Variants in MSN observed in about 807,000 individuals in gnomAD.
MSN encodes moesin.
In MSN, 2 loss-of-function variants were observed where a neutral mutation model predicts 48.0. The ratio of observed to expected loss-of-function variants is 0.04; its 90% CI spans 0.02 to 0.13. MSN has a LOEUF of 0.13. Ranked by LOEUF, MSN falls within the 10% of genes least tolerant of loss-of-function variation. The pLI, the probability that MSN is intolerant of heterozygous loss-of-function variation, is 1.00. For synonymous variants in MSN, 146 were observed against 166.9 expected, an observed-to-expected ratio of 0.87 and a Z score of 0.97; for missense variants, 267 against 470.1, an observed-to-expected ratio of 0.57 and a Z score of 3.99.
At chrX:65,629,106 A>G (rs1204079243) in intron 1 of MSN, among the ~76,000 whole-genome samples, 3 of 109,998 alleles carry the variant, frequency 2.7e-5, no homozygotes, top group Non-Finnish European at 3.8e-5. Context: ...AACAGTACCC[A>G]AGTCACCTCT....
At chrX:65,720,151 C>T (rs943436139) in intron 2 of MSN, among the ~76,000 whole-genome samples, 6 of 111,916 alleles carry the variant, frequency 5.4e-5, no homozygotes, top group Admixed American at 1.9e-4. Flanking sequence ...ATGGCCTATT[C>T]CTGGCTAGGC....
At chrX:65,619,500 C>T (rs1388242419) in intron 1 of MSN, among the ~76,000 whole-genome samples, 3 of 99,177 alleles carry the variant, frequency 3.0e-5, no homozygotes, top group Non-Finnish European at 5.7e-5. Context: ...TTGATCGCAT[C>T]GGCTCCTGAG....
chrX:65,667,908 G>A, intron 1 of MSN, 55 bp downstream of exon 1: 2 of 1,162,787 alleles, frequency 1.7e-6, no homozygotes, highest in Non-Finnish European at 2.3e-6. Context: ...GAGCCTCATA[G>A]CCCTTTGCTG....
chrX:65,713,054 G>A (rs1408614681), intron 1 of MSN, among the ~76,000 whole-genome samples: 1 of 111,458 alleles, frequency 9.0e-6, no homozygotes, highest in Non-Finnish European at 1.9e-5. Flanking sequence ...AAATGAGGTA[G>A]TACATATGAA....
intron 9 of MSN, 36 bp from the exon 10 acceptor site, chrX:65,737,142 G>GTGT: frequency 8.4e-7 from 1 of 1,186,356 alleles, no homozygotes. Flanking sequence ...TTATCTCTGT[G>GTGT]CTCTTCACTG....
chrX:65,610,339 A>T (rs1313975020), intron 1 of MSN, among the ~76,000 whole-genome samples: 1 of 112,563 alleles, frequency 8.9e-6, no homozygotes, highest in South Asian at 3.6e-4. Flanking sequence ...AATATTTCAT[A>T]TAAGTGTCTT....
At chrX:65,725,784 C>A (rs148133060) in intron 2 of MSN, among the ~76,000 whole-genome samples, 5 of 111,807 alleles carry the variant, frequency 4.5e-5, no homozygotes, top group African/African-American at 1.6e-4. Context: ...CCCCACTGAT[C>A]TTTTCTAAAC....
intron 1 of MSN, among the ~76,000 whole-genome samples, chrX:65,621,816 C>T (rs2070449289): frequency 8.9e-6 from 1 of 112,045 alleles, no homozygotes; most frequent in Admixed American, 9.5e-5. Flanking sequence ...ATCAAAGTTT[C>T]CTAGTTTCAG....
intron 1 of MSN, among the ~76,000 whole-genome samples, chrX:65,700,917 T>C (rs1470742950): frequency 9.0e-6 from 1 of 111,611 alleles, no homozygotes; most frequent in Non-Finnish European, 1.9e-5. Context: ...GAGATGTGCA[T>C]GATCAGCTCT....
intron 1 of MSN, among the ~76,000 whole-genome samples, chrX:65,653,192 T>A (rs982161456): frequency 3.6e-5 from 4 of 111,008 alleles, no homozygotes; most frequent in Non-Finnish European, 5.7e-5. Context: ...CCCTGTGGCA[T>A]TATTTTGCCA....
intron 1 of MSN, among the ~76,000 whole-genome samples, chrX:65,695,078 C>G (rs867476445): frequency 9.9e-6 from 1 of 100,656 alleles, no homozygotes; most frequent in Non-Finnish European, 2.0e-5. Context: ...GTGTGTGTGT[C>G]TGCGTGTGTG....
At chrX:65,634,740 T>C (rs778812777) in intron 1 of MSN, among the ~76,000 whole-genome samples, 11 of 113,003 alleles carry the variant, frequency 9.7e-5, no homozygotes, top group African/African-American at 3.5e-4. Flanking sequence ...GAAAGTATTC[T>C]CATTTTGGGG....
intron 1 of MSN, among the ~76,000 whole-genome samples, chrX:65,683,601 A>G (rs1449636065): frequency 1.8e-5 from 2 of 110,973 alleles, no homozygotes; most frequent in Non-Finnish European, 3.8e-5. Flanking sequence ...TATGCTTACT[A>G]GGTAAGGTTG....
chrX:65,647,293 C>T (rs1295981332), intron 1 of MSN, among the ~76,000 whole-genome samples: 1 of 106,200 alleles, frequency 9.4e-6, no homozygotes, highest in Admixed American at 1.0e-4. Context: ...CTCACTGCAA[C>T]CTCCACCTCC....
At chrX:65,651,425 A>C (rs1184560276) in intron 1 of MSN, among the ~76,000 whole-genome samples, 1 of 109,563 alleles carries the variant, frequency 9.1e-6, no homozygotes, top group Non-Finnish European at 1.9e-5. Context: ...TTAAACAAGT[A>C]AATACACAGA....
At chrX:65,629,886 G>A (rs988677460) in intron 1 of MSN, among the ~76,000 whole-genome samples, 4 of 111,799 alleles carry the variant, frequency 3.6e-5, no homozygotes, top group African/African-American at 1.3e-4. Flanking sequence ...GTCTTTTAAA[G>A]TGTACAATTC....
chrX:65,614,310 C>T (rs1180548088), intron 1 of MSN, among the ~76,000 whole-genome samples: 1 of 111,921 alleles, frequency 8.9e-6, no homozygotes, highest in Non-Finnish European at 1.9e-5. Context: ...AGTGTGATGC[C>T]TCCAGCTTTG....
chrX:65,694,227 A>G (rs2071207018), intron 1 of MSN, among the ~76,000 whole-genome samples: 1 of 111,919 alleles, frequency 8.9e-6, no homozygotes, highest in African/African-American at 3.3e-5. Context: ...AGTCTTTTCC[A>G]TCATACTTTG....
chrX:65,615,468 T>C (rs1036729757), intron 1 of MSN, among the ~76,000 whole-genome samples: 3 of 110,572 alleles, frequency 2.7e-5, no homozygotes, highest in Non-Finnish European at 5.7e-5. Flanking sequence ...ATGGTGAGCA[T>C]TTTTTCATGT....
Sources: allele counts gnomAD v4.1 joint callset (sites outside exome capture counted in the v4.1 genomes callset), GRCh38; gene constraint gnomAD v4.1.1; transcripts MANE v1.5; gene names NCBI Gene and HGNC (gene_info 2026-07-23, HGNC 2026-07-21).